Variants in RAB38 observed in about 807,000 individuals in gnomAD.
RAB38 encodes RAB38, member RAS oncogene family.
A neutral mutation model predicts 18.4 loss-of-function variants in RAB38; 15 were observed. The ratio of observed to expected loss-of-function variants is 0.82; its 90% CI spans 0.55 to 1.26. The LOEUF is 1.26. Among genes scored for constraint, RAB38 ranks in the 50% most tolerant of loss-of-function variants. The probability of loss-of-function intolerance (pLI) is 0.00; values close to 1 mark genes in which losing one functional copy is unlikely to be tolerated. For synonymous variants in RAB38, 101 were observed against 104.4 expected (o/e 0.97, Z 0.20); for missense variants, 294 against 267.4 (o/e 1.10, Z -0.69).
chr11:87,961,182 C>A, the RAB38 span, among the ~76,000 whole-genome samples: 1 of 152,124 alleles, frequency 6.6e-6, no homozygotes, highest in Non-Finnish European at 1.5e-5. Flanking sequence ...GAGTGCTGGG[C>A]TGAAGCAGTT....
the RAB38 span, among the ~76,000 whole-genome samples, chr11:88,028,063 C>T: frequency 0.1 from 15,614 of 152,204 alleles, 833 homozygotes; most frequent in East Asian, 0.18. Context: ...GCAGCATGCA[C>T]GGTTCAAGAA....
chr11:88,041,703 T>C, the RAB38 span, among the ~76,000 whole-genome samples: 2 of 152,198 alleles, frequency 1.3e-5, no homozygotes, highest in Admixed American at 6.5e-5. Flanking sequence ...CTGAAAATCA[T>C]GTGTCTCAGA....
the RAB38 span, among the ~76,000 whole-genome samples, chr11:87,869,451 C>A: frequency 0.26 from 39,982 of 151,530 alleles, 7,206 homozygotes; most frequent in African/African-American, 0.51. Context: ...TACTGCTCTG[C>A]TTACTCTACT....
intron 2 of RAB38, among the ~76,000 whole-genome samples, chr11:88,121,816 C>T (rs902101928): frequency 6.6e-6 from 1 of 152,186 alleles, no homozygotes; most frequent in Non-Finnish European, 1.5e-5. Context: ...CTCACCTCGG[C>T]CTCCCAAAGT....
At chr11:87,938,025 A>G in the RAB38 span, among the ~76,000 whole-genome samples, 1 of 151,928 alleles carries the variant, frequency 6.6e-6, no homozygotes, top group African/African-American at 2.4e-5. Context: ...TTGAATTGAA[A>G]ACTGGATGTT....
At chr11:88,104,437 G>A in the RAB38 span, among the ~76,000 whole-genome samples, 2 of 152,102 alleles carry the variant, frequency 1.3e-5, no homozygotes, top group Non-Finnish European at 2.9e-5. Context: ...AGATTGAAAT[G>A]TGTCATTTGA....
chr11:87,833,546 A>G, the RAB38 span, among the ~76,000 whole-genome samples: 1 of 152,230 alleles, frequency 6.6e-6, no homozygotes, highest in Non-Finnish European at 1.5e-5. Flanking sequence ...ATAACAGATA[A>G]TTAAACACAG....
intron 2 of RAB38, among the ~76,000 whole-genome samples, chr11:88,133,154 G>C (rs1942787236): frequency 6.6e-6 from 1 of 152,126 alleles, no homozygotes; most frequent in Admixed American, 6.5e-5. Context: ...ACAGATTACA[G>C]TGTCCAGGTA....
chr11:87,884,304 T>TA, the RAB38 span, among the ~76,000 whole-genome samples: 9 of 151,914 alleles, frequency 5.9e-5, no homozygotes, highest in Non-Finnish European at 8.8e-5. Context: ...CTCCCTGAAG[T>TA]AAAGGAAGGC....
chr11:87,845,568 A>T, the RAB38 span, among the ~76,000 whole-genome samples: 1 of 152,164 alleles, frequency 6.6e-6, no homozygotes, highest in Non-Finnish European at 1.5e-5. Context: ...GATTGAATAC[A>T]TGTGTATCTG....
At chr11:87,964,931 A>G in the RAB38 span, among the ~76,000 whole-genome samples, 2 of 152,300 alleles carry the variant, frequency 1.3e-5, no homozygotes, top group South Asian at 4.1e-4. Context: ...GCATCCCAAT[A>G]TGTTTCCTTG....
At chr11:87,945,592 GA>G in the RAB38 span, among the ~76,000 whole-genome samples, 2 of 152,100 alleles carry the variant, frequency 1.3e-5, no homozygotes, top group Non-Finnish European at 2.9e-5. Context: ...AAGAAAAAGA[GA>G]GGTTCCTACT....
chr11:87,857,199 T>C, the RAB38 span, among the ~76,000 whole-genome samples: 1 of 152,190 alleles, frequency 6.6e-6, no homozygotes, highest in Non-Finnish European at 1.5e-5. Flanking sequence ...GAACTCATCA[T>C]TTTTTATGGC....
the RAB38 span, among the ~76,000 whole-genome samples, chr11:88,069,511 G>A: frequency 6.6e-6 from 1 of 152,240 alleles, no homozygotes; most frequent in Non-Finnish European, 1.5e-5. Flanking sequence ...CTGGGCTCCT[G>A]AGTGGGGTGG....
the RAB38 span, among the ~76,000 whole-genome samples, chr11:88,008,265 G>A: frequency 6.6e-6 from 1 of 151,952 alleles, no homozygotes; most frequent in African/African-American, 2.4e-5. Context: ...AAACACAAAA[G>A]AGCTTTAGAA....
At chr11:87,952,800 G>GATTATAACAATAGC in the RAB38 span, among the ~76,000 whole-genome samples, 15 of 152,110 alleles carry the variant, frequency 9.9e-5, no homozygotes, top group African/African-American at 3.6e-4. Context: ...ATGTTTGTCT[G>GATTATAACAATAGC]ATTATAACAA....
At chr11:87,957,786 G>A in the RAB38 span, among the ~76,000 whole-genome samples, 5 of 152,000 alleles carry the variant, frequency 3.3e-5, no homozygotes, top group African/African-American at 4.8e-5. Flanking sequence ...TTGGGGGAGC[G>A]TGGGGAAAGG....
At chr11:87,830,151 GA>G in the RAB38 span, among the ~76,000 whole-genome samples, 1 of 152,042 alleles carries the variant, frequency 6.6e-6, no homozygotes, top group Non-Finnish European at 1.5e-5. Flanking sequence ...AATTATATTA[GA>G]CATTGTGGAA....
At chr11:88,153,959 G>A (rs548126380) in intron 1 of RAB38, among the ~76,000 whole-genome samples, 36 of 152,262 alleles carry the variant, frequency 2.4e-4, no homozygotes, top group African/African-American at 8.2e-4. Context: ...TCAAATTGAA[G>A]AATACCCCAA....
Sources: allele counts gnomAD v4.1 joint callset (sites outside exome capture counted in the v4.1 genomes callset), GRCh38; gene constraint gnomAD v4.1.1; transcripts MANE v1.5; gene names NCBI Gene and HGNC (gene_info 2026-07-23, HGNC 2026-07-21).